Variants in IL1RAP observed in about 807,000 individuals in gnomAD.
IL1RAP encodes interleukin 1 receptor accessory protein.
IL1RAP carries 35 observed loss-of-function variants against 60.7 expected under a neutral mutation model. That is an observed-to-expected ratio of 0.58 (90% CI 0.44 to 0.76). IL1RAP has a LOEUF of 0.76. Among genes scored for constraint, IL1RAP ranks in the 30% least tolerant of loss-of-function variants. IL1RAP has a pLI of 0.00. For synonymous variants in IL1RAP, 268 were observed against 250.9 expected, an observed-to-expected ratio of 1.07 and a Z score of -0.64; for missense variants, 572 against 693.9, an observed-to-expected ratio of 0.82 and a Z score of 1.97.
intron 7 of IL1RAP, among the ~76,000 whole-genome samples, chr3:190,626,047 A>G (rs897911496): frequency 6.6e-5 from 10 of 152,292 alleles, no homozygotes; most frequent in Admixed American, 6.5e-4. Flanking sequence ...TTTATCATCT[A>G]AACCAGGACA....
At chr3:190,550,094 A>G (rs1302694908) in intron 1 of IL1RAP, among the ~76,000 whole-genome samples, 1 of 152,156 alleles carries the variant, frequency 6.6e-6, no homozygotes, top group Admixed American at 6.5e-5. Flanking sequence ...CAAAGCAGGC[A>G]CCCATGAAAC....
chr3:190,528,054 CAGA>C (rs1722666675), intron 1 of IL1RAP, among the ~76,000 whole-genome samples: 1 of 151,974 alleles, frequency 6.6e-6, no homozygotes, highest in Non-Finnish European at 1.5e-5. Flanking sequence ...AGAATAATTT[CAGA>C]AGGAGATTAT....
At chr3:190,624,085 A>G (rs1286077426) in intron 7 of IL1RAP, among the ~76,000 whole-genome samples, 1 of 152,246 alleles carries the variant, frequency 6.6e-6, no homozygotes, top group Admixed American at 6.5e-5. Flanking sequence ...GTTAACCTAA[A>G]TAACAACAAA....
intron 3 of IL1RAP, among the ~76,000 whole-genome samples, chr3:190,579,749 C>T (rs1318283271): frequency 6.6e-6 from 1 of 152,132 alleles, no homozygotes; most frequent in Non-Finnish European, 1.5e-5. Context: ...TCTCCCCCAC[C>T]CAAGCCCTAG....
At chr3:190,566,572 A>C (rs1269440297) in intron 3 of IL1RAP, among the ~76,000 whole-genome samples, 2 of 152,116 alleles carry the variant, frequency 1.3e-5, no homozygotes, top group South Asian at 2.1e-4. Context: ...GGGGAAGCTA[A>C]CTTCTTGAAT....
intron 1 of IL1RAP, among the ~76,000 whole-genome samples, chr3:190,553,365 C>T (rs1456230453): frequency 1.3e-5 from 2 of 152,110 alleles, no homozygotes; most frequent in African/African-American, 4.8e-5. Flanking sequence ...AAGGAAAACA[C>T]AAACAAAAAA....
chr3:190,524,682 G>T (rs1722359675), intron 1 of IL1RAP, among the ~76,000 whole-genome samples: 1 of 152,144 alleles, frequency 6.6e-6, no homozygotes, highest in South Asian at 2.1e-4. Context: ...TGTATCCCAA[G>T]TGCCTAGAAT....
intron 11 of IL1RAP, among the ~76,000 whole-genome samples, chr3:190,647,013 G>A (rs1283404576): frequency 1.3e-5 from 2 of 152,048 alleles, no homozygotes; most frequent in Non-Finnish European, 2.9e-5. Flanking sequence ...ATCTACCACG[G>A]AACTGGGTAA....
At chr3:190,587,785 T>A (rs952473984) in intron 3 of IL1RAP, among the ~76,000 whole-genome samples, 1 of 152,214 alleles carries the variant, frequency 6.6e-6, no homozygotes, top group Non-Finnish European at 1.5e-5. Context: ...GAGTAAGACC[T>A]GAGAACCTGA....
chr3:190,623,317 C>G (rs767667266), intron 6 of IL1RAP, 27 bp from the exon 7 acceptor site: 2 of 1,558,120 alleles, frequency 1.3e-6, no homozygotes, highest in Non-Finnish European at 1.8e-6. Flanking sequence ...TTAACATCAT[C>G]TCCCTTTTTT....
intron 5 of IL1RAP, among the ~76,000 whole-genome samples, chr3:190,614,464 G>A (rs369851995): frequency 6.6e-6 from 1 of 151,990 alleles, no homozygotes; most frequent in East Asian, 2.0e-4. Context: ...AGGAAATGGC[G>A]ATTCAGAGAG....
intron 2 of IL1RAP, among the ~76,000 whole-genome samples, chr3:190,559,177 G>A (rs921580997): frequency 1.3e-5 from 2 of 152,154 alleles, no homozygotes; most frequent in African/African-American, 4.8e-5. Flanking sequence ...TATGAGCCTG[G>A]AGTTTGTAAT....
At chr3:190,537,217 T>C (rs1293256635) in intron 1 of IL1RAP, among the ~76,000 whole-genome samples, 2 of 127,738 alleles carry the variant, frequency 1.6e-5, no homozygotes, top group East Asian at 4.6e-4. Flanking sequence ...TTTTCTCTTC[T>C]TTTTTTTTAT....
chr3:190,590,804 G>A (rs761273597), intron 3 of IL1RAP, among the ~76,000 whole-genome samples: 3 of 152,284 alleles, frequency 2.0e-5, no homozygotes, highest in South Asian at 2.1e-4. Flanking sequence ...GAAGAGGAGT[G>A]TACTGTTGTA....
chr3:190,526,005 A>G (rs530783608), intron 1 of IL1RAP, among the ~76,000 whole-genome samples: 9 of 151,830 alleles, frequency 5.9e-5, no homozygotes, highest in African/African-American at 2.2e-4. Context: ...ATTCCATACA[A>G]GATCAATTTC....
chr3:190,613,078 AAACTTCT>A (rs1730959724), intron 5 of IL1RAP, among the ~76,000 whole-genome samples: 1 of 151,204 alleles, frequency 6.6e-6, no homozygotes, highest in Non-Finnish European at 1.5e-5. Context: ...ATCAAAATGT[AAACTTCT>A]AAGTTTCATA....
rs963949540 is a variant in IL1RAP at position 190,658,928 on chromosome 3, C to A, written c.*2321C>A. On this transcript the variant is annotated 3_prime_UTR_variant, in exon 12 of 12. Transcript: ENST00000317757. ...ATATCCAGTAGAAAATGACTTAGCA[C>A]AACCCAAAGGCCTTGTCCTCTATTA... 11 of 152,198 alleles carry A rather than the reference C, an allele frequency of 7.2e-5. 1 individual carries two copies. The highest frequency in any genetic ancestry group is 1.3e-4 in the Non-Finnish European group (9 of 68,052). 9.4% of individuals were successfully genotyped at this position (152,198 alleles called of 1,614,324 possible).
At chr3:190,629,887 G>A in intron 9 of IL1RAP, 4 of 977,936 alleles carry the variant, frequency 4.1e-6, no homozygotes, top group Non-Finnish European at 4.9e-6. Context: ...ATTCATGGTA[G>A]ACTTCAAGAG....
intron 5 of IL1RAP, chr3:190,615,405 A>C: frequency 1.4e-6 from 1 of 702,788 alleles, no homozygotes; most frequent in Non-Finnish European, 2.2e-6. Context: ...ATTAATTTAG[A>C]GTCTTTGGCA....
Sources: allele counts gnomAD v4.1 joint callset (sites outside exome capture counted in the v4.1 genomes callset), GRCh38; gene constraint gnomAD v4.1.1; transcripts MANE v1.5; gene names NCBI Gene and HGNC (gene_info 2026-07-23, HGNC 2026-07-21).